ZFAND4: variants seen among roughly 807,000 people sequenced by gnomAD.
The protein encoded by ZFAND4 is AN1-type zinc finger protein 4.
Under a neutral mutation model 64.4 loss-of-function variants are expected in ZFAND4, and 43 were observed. That is an observed-to-expected ratio of 0.67 (90% CI 0.52 to 0.86). The LOEUF (loss-of-function observed/expected upper bound fraction) is 0.86. ZFAND4 is among the 40% of genes least tolerant of loss of function. The probability of loss-of-function intolerance (pLI) is 0.00; values close to 1 mark genes in which losing one functional copy is unlikely to be tolerated. For missense variants in ZFAND4, 929 were observed against 859.8 expected, an observed-to-expected ratio of 1.08 and a Z score of -1.01; for synonymous variants, 296 against 305.7, an observed-to-expected ratio of 0.97 and a Z score of 0.33.
At chr10:45,647,350 T>C (rs2047454252) in intron 5 of ZFAND4, among the ~76,000 whole-genome samples, 1 of 151,912 alleles carries the variant, frequency 6.6e-6, no homozygotes, top group Non-Finnish European at 1.5e-5. Context: ...TGACTCCAGA[T>C]TGTGGGACTT....
At chr10:45,654,343 G>A (rs2047958924) in intron 2 of ZFAND4, among the ~76,000 whole-genome samples, 1 of 152,136 alleles carries the variant, frequency 6.6e-6, no homozygotes, top group Admixed American at 6.6e-5. Context: ...ATATTGGGCT[G>A]GGCACAGTAG....
At chr10:45,666,495 T>A (rs1228740537) in intron 1 of ZFAND4, among the ~76,000 whole-genome samples, 1 of 152,152 alleles carries the variant, frequency 6.6e-6, no homozygotes, top group Non-Finnish European at 1.5e-5. Flanking sequence ...ATTTTGTGGG[T>A]TGTCTTTTGA....
In ZFAND4 at chr10:45,634,993, G is replaced by A. The variant is rs545377324; in HGVS notation, c.717+4823C>T. On this transcript the variant is annotated intron_variant, in intron 6 of 9. Transcript: ENST00000344646. ...TAATGAAAGCTATAAAACATTGGAC[G>A]ACACAAAAATATGAAAAAATATTCC... Among the ~76,000 whole-genome samples the A allele has an allele frequency of 4.6e-5, 7 of 151,460 alleles. No individual in the cohort carries two copies. The East Asian group carries it at 7.7e-4, about 17-fold the overall frequency.
chr10:45,663,468 A>G, intron 2 of ZFAND4, 74 bp downstream of exon 2: 1 of 1,179,688 alleles, frequency 8.5e-7, no homozygotes. Context: ...CCATTAAAAT[A>G]CTTTAAAAAC....
chr10:45,667,249 T>C (rs986482119), intron 1 of ZFAND4, among the ~76,000 whole-genome samples: 7 of 152,192 alleles, frequency 4.6e-5, no homozygotes, highest in Non-Finnish European at 8.8e-5. Flanking sequence ...CACTGTCTTA[T>C]TTACAGATTG....
At chr10:45,617,192 A>G (rs2045041674) in intron 9 of ZFAND4, among the ~76,000 whole-genome samples, 1 of 152,226 alleles carries the variant, frequency 6.6e-6, no homozygotes, top group Non-Finnish European at 1.5e-5. Flanking sequence ...AGTAAACCTA[A>G]AAGAATTCTG....
chr10:45,625,343 A>G (rs1368045799), intron 7 of ZFAND4, among the ~76,000 whole-genome samples: 1 of 151,388 alleles, frequency 6.6e-6, no homozygotes, highest in Non-Finnish European at 1.5e-5. Flanking sequence ...GCGTGGTGGT[A>G]GGTGCCTGTA....
chr10:45,637,610 C>A lies in ZFAND4; in HGVS notation c.717+2206G>T, dbSNP rs185806244. Among the ~76,000 whole-genome samples the A allele has an allele frequency of 7.4e-4, 113 of 151,822 alleles. 2 individuals are homozygous for A. The South Asian group carries it at 0.014, about 19-fold the overall frequency. On this transcript the variant is annotated intron_variant, in intron 6 of 9. Transcript: ENST00000344646. ...ACTAAAAATACAAAAATTAGCCGGG[C>A]GTGGAGATGCGCACCCGTAATCCCA...
Position 45,626,361 on chromosome 10 carries a change from C to T in ZFAND4, c.1462G>A (p.Val488Met), listed in dbSNP as rs368972259. Residue 488 changes from valine (V) to methionine (M), a missense_variant, in exon 7 of 10, where the codon GTG (valine) becomes ATG (methionine). By Grantham distance (21) the Val-to-Met change is conservative (BLOSUM62 1). Coordinates refer to ENST00000344646, the MANE Select transcript of ZFAND4 (RefSeq NM_174890.4). ...SAPMSLHNSLVKPERQSKCFE... is the reference protein window; with the variant it reads ...SAPMSLHNSLMKPERQSKCFE... ...CATTTGGACTGTCTCTCTGGTTTCA[C>T]CAGAGAATTATGTAGCGACATTGGT... 22 of 1,614,030 alleles carry T rather than the reference C, an allele frequency of 1.4e-5. No individual in the cohort carries two copies. The highest frequency in any genetic ancestry group is 1.8e-5 in the Non-Finnish European group (21 of 1,180,038).
intron 7 of ZFAND4, among the ~76,000 whole-genome samples, 176 bp downstream of exon 7, chr10:45,625,775 A>C (rs965471181): frequency 4.6e-5 from 7 of 152,202 alleles, no homozygotes; most frequent in African/African-American, 1.7e-4. Context: ...GGACTAAAAC[A>C]GCATTCAAAA....
chr10:45,669,811 C>T (rs944440897), intron 1 of ZFAND4, among the ~76,000 whole-genome samples: 3 of 152,136 alleles, frequency 2.0e-5, no homozygotes, highest in African/African-American at 7.2e-5. Flanking sequence ...GCAGAAAAGG[C>T]CTTTGACAAA....
chr10:45,639,804 C>T lies in ZFAND4; in HGVS notation c.717+12G>A, dbSNP rs745658714. 5.0e-6 allele frequency: 8 copies of T among 1,603,942 alleles called. No individual in the cohort carries two copies. Among genetic ancestry groups the T allele is most frequent in the Non-Finnish European group, 6.8e-6 (8 of 1,176,076 alleles). On this transcript the variant is annotated intron_variant, in intron 6 of 9. Transcript: ENST00000344646. Reference sequence around the variant, plus strand: ...GCTAGAGATAAGCCTGGTCAAATGCCAACAGCTTCACCTTTTTGCTGAGAT... The same window carrying T: ...GCTAGAGATAAGCCTGGTCAAATGCTAACAGCTTCACCTTTTTGCTGAGAT...
intron 2 of ZFAND4, among the ~76,000 whole-genome samples, chr10:45,653,818 T>C (rs1440899987): frequency 6.6e-6 from 1 of 152,166 alleles, no homozygotes; most frequent in Admixed American, 6.5e-5. Context: ...CACTACTGGG[T>C]ATATACCCAG....
chr10:45,670,043 G>A (rs2049076861), intron 1 of ZFAND4, among the ~76,000 whole-genome samples: 1 of 152,054 alleles, frequency 6.6e-6, no homozygotes, highest in Non-Finnish European at 1.5e-5. Context: ...CAATCAGACA[G>A]GAGACAGAAA....
Position 45,672,016 on chromosome 10 carries a change from G to C in ZFAND4, c.-118+234C>G, listed in dbSNP as rs189570115. ...TAGCTACAGAAGAGCAGTTACCTTT[G>C]AAACATTTTCCCCAACATAAAGATA... On this transcript the variant is annotated intron_variant, in intron 1 of 9. Coordinates refer to ENST00000344646, the MANE Select transcript of ZFAND4 (RefSeq NM_174890.4). Among the ~76,000 whole-genome samples, 411 of 152,232 alleles carry C rather than the reference G, an allele frequency of 2.7e-3. 1 individual carries two copies. The highest frequency in any genetic ancestry group is 5.0e-3 in the Non-Finnish European group (340 of 68,010).
Position 45,648,284 on chromosome 10 carries a change from T to C in ZFAND4, c.569+10A>G, listed in dbSNP as rs373973974. On this transcript the variant is annotated intron_variant, in intron 5 of 9. Transcript: ENST00000344646. ...TGACAACACAAGGTAAACAAAAGTT[T>C]ATGGAGTACCTCATACGATGTTCTC... 6.9e-5 allele frequency: 109 copies of C among 1,581,084 alleles called. No individual in the cohort carries two copies. The Admixed American group carries it at 1.9e-3, about 27-fold the overall frequency.
At position 45,628,849 on chromosome 10, in the gene ZFAND4, C is replaced by T. The variant is rs1175075684; in HGVS notation, c.718-1744G>A. ...AAGAAACTCATCTGCAAAGCCTATG[C>T]CTGTGGTGACAGACAGGCAAAAGTA... On this transcript the variant is annotated intron_variant, in intron 6 of 9. Coordinates refer to ENST00000344646, the MANE Select transcript of ZFAND4 (RefSeq NM_174890.4). Among the ~76,000 whole-genome samples, 4 of 145,770 alleles carry T rather than the reference C, an allele frequency of 2.7e-5. No individual in the cohort carries two copies. The Admixed American group carries it at 2.8e-4, about 10-fold the overall frequency.
At chr10:45,627,170 C>T (rs1399467389) in intron 6 of ZFAND4, 65 bp from the exon 7 acceptor site, 6 of 1,344,098 alleles carry the variant, frequency 4.5e-6, no homozygotes, top group East Asian at 4.8e-5. Context: ...CAAAAATTAG[C>T]GAAGGAAGAA....
chr10:45,647,594 A>G (rs2047475110), intron 5 of ZFAND4, among the ~76,000 whole-genome samples: 1 of 152,036 alleles, frequency 6.6e-6, no homozygotes, highest in Non-Finnish European at 1.5e-5. Context: ...AGGCCCTGTC[A>G]TCTATTCTCC....
Sources: gnomAD v4.1 joint callset for allele counts (sites outside exome capture counted in the v4.1 genomes callset) on GRCh38, gnomAD v4.1.1 for gene constraint, MANE v1.5 for transcripts, NCBI Gene and HGNC (gene_info 2026-07-23, HGNC 2026-07-21) for gene names.